Variants in FRAS1 observed in about 807,000 individuals in gnomAD.
The protein encoded by FRAS1 is Fraser extracellular matrix complex subunit 1, also known as extracellular matrix organizing protein FRAS1.
FRAS1 carries 290 observed loss-of-function variants against 435.2 expected under a neutral mutation model. The ratio of observed to expected loss-of-function variants is 0.67; its 90% CI spans 0.61 to 0.73. The LOEUF (loss-of-function observed/expected upper bound fraction) is 0.73. FRAS1 is among the 30% of genes least tolerant of loss of function. The probability of loss-of-function intolerance (pLI) is 0.00; values close to 1 mark genes in which losing one functional copy is unlikely to be tolerated. For missense variants in FRAS1, 4,860 were observed against 5,001.5 expected, an observed-to-expected ratio of 0.97 and a Z score of 0.85; for synonymous variants, 1,800 against 1,851.0, an observed-to-expected ratio of 0.97 and a Z score of 0.71.
At chr4:78,443,127 T>A (rs1382371310) in intron 41 of FRAS1, among the ~76,000 whole-genome samples, 3 of 152,220 alleles carry the variant, frequency 2.0e-5, no homozygotes, top group Admixed American at 6.5e-5. Context: ...GGTGGGAGGA[T>A]CGCTTGAGTC....
chr4:78,085,368 A>G (rs1008965674), intron 2 of FRAS1, among the ~76,000 whole-genome samples: 3 of 152,104 alleles, frequency 2.0e-5, no homozygotes, highest in African/African-American at 4.8e-5. Flanking sequence ...AAAACTTTCA[A>G]TCAGTGAAAC....
chr4:78,241,235 G>T (rs1457912479), intron 3 of FRAS1, among the ~76,000 whole-genome samples: 1 of 152,148 alleles, frequency 6.6e-6, no homozygotes. Flanking sequence ...CAAGCCCTTC[G>T]GTGTGCTTCC....
At chr4:78,103,883 G>A (rs937872702) in intron 2 of FRAS1, among the ~76,000 whole-genome samples, 4 of 152,162 alleles carry the variant, frequency 2.6e-5, no homozygotes, top group Non-Finnish European at 5.9e-5. Context: ...AATGGACTAC[G>A]ACACAGTTCT....
Position 78,188,998 on chromosome 4 carries a change from G to T in FRAS1, c.109-48512G>T, listed in dbSNP as rs192062956. On this transcript the variant is annotated intron_variant, in intron 2 of 73. Coordinates refer to ENST00000512123, the MANE Select transcript of FRAS1 (RefSeq NM_025074.7). Reference sequence around the variant, plus strand: ...CTATTATCTAATTAATTATGTCCAGGTGAAGAGGCATGTGGTATTACTGCC... The same window carrying T: ...CTATTATCTAATTAATTATGTCCAGTTGAAGAGGCATGTGGTATTACTGCC... Among the ~76,000 whole-genome samples the T allele has an allele frequency of 7.9e-5, 12 of 152,264 alleles. No individual in the cohort carries two copies. In the East Asian group the frequency reaches 2.3e-3, roughly 29 times the overall value.
intron 10 of FRAS1, among the ~76,000 whole-genome samples, chr4:78,279,134 G>C (rs1428589433): frequency 6.6e-6 from 1 of 152,174 alleles, no homozygotes; most frequent in African/African-American, 2.4e-5. Context: ...AAAACTTTGA[G>C]CAGAGCCTGA....
In FRAS1 at chr4:78,245,303, A is replaced by G; in HGVS notation, c.287A>G (p.His96Arg). The change falls in exon 4 of 74, where the codon CAT becomes CGT. Residue 96 changes from histidine to arginine, a missense_variant. Coordinates refer to ENST00000512123, the MANE Select transcript of FRAS1 (RefSeq NM_025074.7). Reference protein sequence around the residue: ...ECVLRTPGSCHHEKKIHEHGT... With the variant: ...ECVLRTPGSCRHEKKIHEHGT... ...GTTTTGAGGACTCCAGGATCTTGCC[A>G]TCATGAAAAGAAAATCCATGAGGTA... The G allele has an allele frequency of 5.0e-6, 8 of 1,606,460 alleles. 1 individual carries two copies. The South Asian group carries it at 5.6e-5, about 11-fold the overall frequency.
chr4:78,407,590 T>A, intron 30 of FRAS1, 73 bp from the exon 31 acceptor site: 2 of 1,207,596 alleles, frequency 1.7e-6, no homozygotes, highest in South Asian at 1.7e-5. Context: ...AAAAAATGAG[T>A]AGTAGGAAAG....
chr4:78,252,683 A>G, intron 5 of FRAS1, 132 bp downstream of exon 5: 2 of 865,072 alleles, frequency 2.3e-6, no homozygotes, highest in Non-Finnish European at 3.5e-6. Context: ...TGAGAAATAG[A>G]AAGAGTACAA....
chr4:78,298,902 A>G (rs755075609), intron 14 of FRAS1, among the ~76,000 whole-genome samples: 8 of 152,234 alleles, frequency 5.3e-5, no homozygotes, highest in South Asian at 4.1e-4. Flanking sequence ...AGATTGATTC[A>G]TAACTGAGTA....
rs115662663 is a variant in FRAS1 at position 78,523,157 on chromosome 4, A to G, written c.10808+349A>G. Among the ~76,000 whole-genome samples, 1,291 of 152,296 alleles carry G rather than the reference A, an allele frequency of 8.5e-3. 15 individuals carry two copies. Among genetic ancestry groups the G allele is most frequent in the African/African-American group, 0.03 (1,229 of 41,568 alleles). On this transcript the variant is annotated intron_variant, in intron 69 of 73. Coordinates refer to ENST00000512123, the MANE Select transcript of FRAS1 (RefSeq NM_025074.7). ...AAAGAAAGAAACAAATCTTGCTCAG[A>G]TCAACTTCTGATATATAAATAGGAA...
At chr4:78,062,050 C>T (rs1327187897) in intron 1 of FRAS1, among the ~76,000 whole-genome samples, 1 of 152,126 alleles carries the variant, frequency 6.6e-6, no homozygotes, top group Non-Finnish European at 1.5e-5. Flanking sequence ...GGATTCTGGG[C>T]ATTACTCTCC....
chr4:78,067,860 A>ATTTTT lies in FRAS1; in HGVS notation c.108+1855_108+1859dup, dbSNP rs35606977. ...AGCTGCACACCACCACACCCAGCCA[A>ATTTTT]TTTTTTTTTTTTTTTGTATTTTTAG... On this transcript the variant is annotated intron_variant, in intron 2 of 73. Coordinates refer to ENST00000512123, the MANE Select transcript of FRAS1 (RefSeq NM_025074.7). 9.4e-4 allele frequency among the ~76,000 whole-genome samples: 127 copies of ATTTTT among 134,400 alleles called. 2 individuals are homozygous for ATTTTT. The highest frequency in any genetic ancestry group is 7.6e-3 in the Middle Eastern group (2 of 264). The allele number at this position is 134,400 out of a possible 152,430, so 88.2% of individuals were successfully genotyped here.
intron 2 of FRAS1, among the ~76,000 whole-genome samples, chr4:78,164,290 T>A (rs1367481595): frequency 6.6e-6 from 1 of 152,062 alleles, no homozygotes; most frequent in African/African-American, 2.4e-5. Context: ...AAAAGGATAT[T>A]TTTAAAGTGG....
chr4:78,456,805 T>C (rs11098191), intron 47 of FRAS1, among the ~76,000 whole-genome samples: 60,219 of 152,114 alleles, frequency 0.4, 12,842 homozygotes, highest in African/African-American at 0.56. Context: ...AAAGGCCAGT[T>C]GTGGATTAGT....
chr4:78,452,205 A>G lies in FRAS1; in HGVS notation c.6614A>G (p.Asn2205Ser). Residue 2205 changes from asparagine to serine, a missense_variant, in exon 47 of 74, where the codon AAT (asparagine) becomes AGT (serine). Physicochemically the swap from Asn to Ser is conservative, Grantham distance 46 (BLOSUM62 1). Coordinates refer to ENST00000512123, the MANE Select transcript of FRAS1 (RefSeq NM_025074.7). ...EDKSPPVITT[N>S]KGLVLDENSV... ...AAATCCCCACCAGTCATCACCACCAATAAAGGACTGGTCTTGGATGAAAAC... is the reference window on the plus strand; with the variant it reads ...AAATCCCCACCAGTCATCACCACCAGTAAAGGACTGGTCTTGGATGAAAAC... 2.5e-6 allele frequency: 4 copies of G among 1,613,782 alleles called. No individual in the cohort carries two copies. Among genetic ancestry groups the G allele is most frequent in the Admixed American group, 3.3e-5 (2 of 60,006 alleles).
At chr4:78,281,745 A>C (rs778747479) in intron 11 of FRAS1, among the ~76,000 whole-genome samples, 1 of 152,156 alleles carries the variant, frequency 6.6e-6, no homozygotes, top group African/African-American at 2.4e-5. Flanking sequence ...ACTCAGTTTA[A>C]CCATCAGTAG....
At chr4:78,231,755 CT>C (rs1354970116) in intron 2 of FRAS1, among the ~76,000 whole-genome samples, 1 of 151,800 alleles carries the variant, frequency 6.6e-6, no homozygotes, top group East Asian at 1.9e-4. Context: ...TCAGTAAATA[CT>C]TTCCCAAGTG....
At chr4:78,134,326 A>G (rs1286107156) in intron 2 of FRAS1, among the ~76,000 whole-genome samples, 2 of 152,118 alleles carry the variant, frequency 1.3e-5, no homozygotes, top group Non-Finnish European at 2.9e-5. Flanking sequence ...TTTTGGCCGT[A>G]GAGGTTTTTT....
intron 14 of FRAS1, among the ~76,000 whole-genome samples, chr4:78,290,382 C>A (rs761804773): frequency 2.6e-5 from 4 of 152,170 alleles, no homozygotes; most frequent in South Asian, 2.1e-4. Flanking sequence ...GGGAGCCTGG[C>A]CCCAGTGGTT....
Sources: allele counts gnomAD v4.1 joint callset (sites outside exome capture counted in the v4.1 genomes callset), GRCh38; gene constraint gnomAD v4.1.1; transcripts MANE v1.5; gene names NCBI Gene and HGNC (gene_info 2026-07-23, HGNC 2026-07-21).